TACC2: variants seen among roughly 807,000 people sequenced by gnomAD.
The protein encoded by TACC2 is transforming acidic coiled-coil containing protein 2.
In TACC2, 137 loss-of-function variants were observed where a neutral mutation model predicts 227.3. The ratio of observed to expected loss-of-function variants is 0.60; its 90% CI spans 0.52 to 0.69. The LOEUF (loss-of-function observed/expected upper bound fraction) is 0.69. Ranked by LOEUF, TACC2 falls within the 30% of genes least tolerant of loss-of-function variation. TACC2 has a pLI of 0.00. For synonymous variants in TACC2, 1,523 were observed against 1,487.5 expected, an observed-to-expected ratio of 1.02 and a Z score of -0.55; for missense variants, 3,470 against 3,694.4, an observed-to-expected ratio of 0.94 and a Z score of 1.57.
At position 122,047,178 on chromosome 10, in the gene TACC2, A is replaced by G. The variant is rs1168631783; in HGVS notation, c.34-3260A>G. Reference sequence around the variant, plus strand: ...GTGGTGGGCACCTGTAGTCCCAGCTACTTAGGAGGCTGAGGCAGGAGAATC... The same window carrying G: ...GTGGTGGGCACCTGTAGTCCCAGCTGCTTAGGAGGCTGAGGCAGGAGAATC... On this transcript the variant is annotated intron_variant, in intron 2 of 22. Coordinates refer to ENST00000369005, the MANE Select transcript of TACC2 (RefSeq NM_206862.4). Among the ~76,000 whole-genome samples the G allele has an allele frequency of 2.7e-5, 4 of 147,290 alleles. No homozygotes were observed. The East Asian group carries it at 8.4e-4, about 31-fold the overall frequency.
At chr10:122,011,184 G>T (rs964104169) in intron 1 of TACC2, among the ~76,000 whole-genome samples, 2 of 151,404 alleles carry the variant, frequency 1.3e-5, no homozygotes, top group African/African-American at 4.8e-5. Flanking sequence ...GGTAGACAGG[G>T]ATGCAGGGTC....
chr10:122,056,684 T>C (rs937825484), intron 3 of TACC2, among the ~76,000 whole-genome samples: 5 of 152,160 alleles, frequency 3.3e-5, no homozygotes, highest in African/African-American at 9.7e-5. Flanking sequence ...GGGCAGACTC[T>C]AGAGGCCATT....
At position 122,067,507 on chromosome 10, in the gene TACC2, G is replaced by GTT. The variant is rs34479310; in HGVS notation, c.147-15123_147-15122dup. On this transcript the variant is annotated intron_variant, in intron 3 of 22. Coordinates refer to ENST00000369005, the MANE Select transcript of TACC2 (RefSeq NM_206862.4). ...TGGTGTAGGTTTTTCACTGTTTCTG[G>GTT]TTTTTTTTTTTTTTTTTTAGACACA... Among the ~76,000 whole-genome samples the GTT allele has an allele frequency of 1.8e-3, 235 of 129,608 alleles. 1 individual carries two copies. The highest frequency in any genetic ancestry group is 8.9e-3 in the South Asian group (36 of 4,050). 85.0% of individuals were successfully genotyped at this position (129,608 alleles called of 152,430 possible).
intron 7 of TACC2, among the ~76,000 whole-genome samples, chr10:122,193,665 G>A (rs966062231): frequency 1.3e-5 from 2 of 152,108 alleles, no homozygotes; most frequent in Non-Finnish European, 2.9e-5. Flanking sequence ...TAGCCCCCTC[G>A]TTGCAAATGA....
At chr10:122,013,772 G>A (rs1956226258) in intron 1 of TACC2, among the ~76,000 whole-genome samples, 1 of 152,182 alleles carries the variant, frequency 6.6e-6, no homozygotes, top group African/African-American at 2.4e-5. Context: ...GCAATTCAGA[G>A]CCTGTAGGGC....
chr10:122,166,216 A>C (rs57161099), intron 7 of TACC2, among the ~76,000 whole-genome samples: 3,501 of 152,322 alleles, frequency 0.023, 137 homozygotes, highest in African/African-American at 0.081. Flanking sequence ...GTTCCCTGTG[A>C]AAGACTGGCT....
intron 1 of TACC2, among the ~76,000 whole-genome samples, chr10:122,010,033 G>T (rs1433610965): frequency 6.6e-6 from 1 of 152,208 alleles, no homozygotes; most frequent in Non-Finnish European, 1.5e-5. Flanking sequence ...GATTGCATTT[G>T]CAAAGTCCTA....
At chr10:122,139,331 C>T (rs1481636581) in intron 6 of TACC2, among the ~76,000 whole-genome samples, 1 of 152,220 alleles carries the variant, frequency 6.6e-6, no homozygotes, top group Admixed American at 6.5e-5. Flanking sequence ...GGGCTGCTCA[C>T]GCTCTCACGT....
intron 7 of TACC2, among the ~76,000 whole-genome samples, chr10:122,162,409 T>C (rs1183388584): frequency 6.6e-6 from 1 of 152,218 alleles, no homozygotes; most frequent in Non-Finnish European, 1.5e-5. Flanking sequence ...TTTAGATACA[T>C]TTTAGGCTCA....
At chr10:122,176,115 C>CTATATATATA (rs1232356115) in intron 7 of TACC2, among the ~76,000 whole-genome samples, 14 of 47,180 alleles carry the variant, frequency 3.0e-4, no homozygotes, top group Admixed American at 6.2e-4. Flanking sequence ...CTCTCTCTCT[C>CTATATATATA]TCTATATATA....
intron 4 of TACC2, 22 bp from the exon 5 acceptor site, chr10:122,088,456 T>A: frequency 6.3e-7 from 1 of 1,593,664 alleles, no homozygotes. Flanking sequence ...ATCCTATTAA[T>A]TGCTTTCTTT....
chr10:122,211,776 T>C (rs1057118779), intron 9 of TACC2, 68 bp downstream of exon 9: 47 of 1,395,482 alleles, frequency 3.4e-5, no homozygotes, highest in Non-Finnish European at 4.4e-5. Context: ...CCCTTGGTCA[T>C]GTGCCTGGAT....
rs148625159 is a variant in TACC2, at chr10:122,234,668, T to G, written c.8128-2727T>G. ...CAGGTGGCCGGGATGAAGGGGTCAG[T>G]GAACAGTCTACATGGTAGTGTCCAT... On this transcript the variant is annotated intron_variant, in intron 16 of 22. Transcript: ENST00000369005. Among the ~76,000 whole-genome samples, 18 of 152,348 alleles carry G rather than the reference T, an allele frequency of 1.2e-4. No individual in the cohort carries two copies. The East Asian group carries it at 3.5e-3, about 29-fold the overall frequency.
chr10:122,143,235 A>G (rs1257087239), intron 6 of TACC2, among the ~76,000 whole-genome samples: 1 of 152,216 alleles, frequency 6.6e-6, no homozygotes, highest in Non-Finnish European at 1.5e-5. Context: ...AGAAATCATC[A>G]TAAAAAAAAT....
In TACC2 at chr10:122,215,416, C is replaced by G. The variant is rs192448554; in HGVS notation, c.7309C>G (p.Pro2437Ala). Residue 2437 changes from proline (P) to alanine (A), a missense_variant, in exon 10 of 23, where the codon CCA (proline) becomes GCA (alanine). This residue lies in a region of TACC2 where 593 missense variants were observed against 636.6 expected (regional missense o/e 0.93). Transcript: ENST00000369005. The part of the protein sequence containing the change: ...KTDTFRVKKS[P>A]KRSPLSDPPS... ...TGACACATTTAGGGTGAAAAAGTCG[C>G]CAAAACGGTCTCCTCTCTCTGATCC... 42 of 1,613,970 alleles carry G rather than the reference C, an allele frequency of 2.6e-5. No homozygotes were observed. In the African/African-American group the frequency reaches 4.7e-4, roughly 18 times the overall value.
At chr10:122,250,892 A>G (rs1217393262) in intron 22 of TACC2, among the ~76,000 whole-genome samples, 1 of 142,872 alleles carries the variant, frequency 7.0e-6, no homozygotes, top group African/African-American at 2.6e-5. Context: ...TATTCATATT[A>G]CAGATCATTA....
At position 122,086,425 on chromosome 10, in the gene TACC2, G is replaced by A; in HGVS notation, c.3925G>A (p.Ala1309Thr). 1 of 1,613,784 alleles carries A rather than the reference G, an allele frequency of 6.2e-7. No homozygotes were observed. Among genetic ancestry groups the A allele is most frequent in the African/African-American group, 1.3e-5 (1 of 75,066 alleles). The change falls in exon 4 of 23, where the codon GCC becomes ACC. Residue 1309 changes from alanine to threonine, a missense_variant. This residue lies in a region of TACC2 where 1,924 missense variants were observed against 1,978.3 expected (regional missense o/e 0.97). Coordinates refer to ENST00000369005, the MANE Select transcript of TACC2 (RefSeq NM_206862.4). ...AGGTGGGGAAATCCCTGCAGTGCAA[G>A]CCAGCAGTGGTAGTCCCAAAGCCAG... is the stretch of plus-strand genomic sequence containing the variant. ...AAGGEIPAVQ[A>T]SSGSPKARTT...
chr10:122,252,771 G>A (rs533726008), intron 22 of TACC2, among the ~76,000 whole-genome samples: 2 of 152,336 alleles, frequency 1.3e-5, no homozygotes, highest in South Asian at 4.1e-4. Flanking sequence ...GGGATTGCAG[G>A]CGTGAGCCAC....
At position 122,083,591 on chromosome 10, in the gene TACC2, A is replaced by G; in HGVS notation, c.1091A>G (p.Lys364Arg). The change falls in exon 4 of 23, where the codon AAG (lysine) becomes AGG (arginine). Residue 364 changes from lysine (K) to arginine (R), a missense_variant. Physicochemically the swap from Lys to Arg is conservative, Grantham distance 26 (BLOSUM62 2). Coordinates refer to ENST00000369005, the MANE Select transcript of TACC2 (RefSeq NM_206862.4). ...ALVPEAGGSGKEALDTIDVQG... is the reference protein window; with the variant it reads ...ALVPEAGGSGREALDTIDVQG... ...GTGCCAGAGGCTGGGGGCTCTGGGA[A>G]GGAGGCTCTGGACACCATTGATGTT... 1.2e-6 allele frequency: 2 copies of G among 1,612,606 alleles called. No individual in the cohort carries two copies. The highest frequency in any genetic ancestry group is 1.7e-6 in the Non-Finnish European group (2 of 1,179,962).
Sources: gnomAD v4.1 joint callset for allele counts (sites outside exome capture counted in the v4.1 genomes callset) on GRCh38, gnomAD v4.1.1 for gene constraint, gnomAD v4.1.1 regional missense constraint, MANE v1.5 for transcripts, NCBI Gene and HGNC (gene_info 2026-07-23, HGNC 2026-07-21) for gene names.